The following MDM2 variants were observed in gnomAD, a reference collection of about 807,000 sequenced individuals.
MDM2 encodes E3 ubiquitin-protein ligase Mdm2.
Under a neutral mutation model 64.3 loss-of-function variants are expected in MDM2, and 11 were observed. The ratio of observed to expected loss-of-function variants is 0.17; its 90% CI spans 0.11 to 0.28. The LOEUF is 0.28. Ranked by LOEUF, MDM2 falls within the 10% of genes least tolerant of loss-of-function variation. The probability of loss-of-function intolerance (pLI) is 1.00; values close to 1 mark genes in which losing one functional copy is unlikely to be tolerated. For synonymous variants in MDM2, 194 were observed against 192.9 expected, an observed-to-expected ratio of 1.01 and a Z score of -0.05; for missense variants, 388 against 577.1, an observed-to-expected ratio of 0.67 and a Z score of 3.36.
Position 68,839,952 on chromosome 12 carries a change from A to T in MDM2, c.*103A>T, listed in dbSNP as rs1185918342. 3 of 1,002,606 alleles carry T rather than the reference A, an allele frequency of 3.0e-6. No homozygotes were observed. The African/African-American group carries it at 4.9e-5, about 16-fold the overall frequency. The allele number at this position is 1,002,606 out of a possible 1,614,324, so 62.1% of individuals were successfully genotyped here. On this transcript the variant is annotated 3_prime_UTR_variant, in exon 11 of 11. Transcript: ENST00000258149. The stretch of plus-strand genomic sequence containing the variant: ...TATATCAAAGTGAGAAAATGCCTCA[A>T]TTCACATAGATTTCTTCTCTTTAGT...
downstream of MDM2, chr12:68,847,210 A>ATATATATATATATATATG (rs1565756805): frequency 3.0e-5 from 4 of 135,130 alleles, no homozygotes; most frequent in African/African-American, 1.2e-4. Flanking sequence ...ATATATATAT[A>ATATATATATATATATATG]TACTTTTTTT....
downstream of MDM2, chr12:68,847,168 T>C (rs1884357133): frequency 9.7e-6 from 1 of 103,272 alleles, no homozygotes; most frequent in South Asian, 2.5e-4. Flanking sequence ...ATAATACATA[T>C]GTGTTTATGT....
chr12:68,809,832 CAATA>C (rs1266223873), intron 2 of MDM2, among the ~76,000 whole-genome samples: 12 of 152,262 alleles, frequency 7.9e-5, no homozygotes, highest in Admixed American at 2.0e-4. Flanking sequence ...GCATCCTTGT[CAATA>C]AATAAAGTCT....
rs1328536524 is a variant in MDM2 at position 68,843,447 on chromosome 12, A to G, written c.*3598A>G. Reference sequence around the variant, plus strand: ...GAAACAGTACATACACCATATTTACAATTATGTATTTAACATTTAAAATTT... The same window carrying G: ...GAAACAGTACATACACCATATTTACGATTATGTATTTAACATTTAAAATTT... On this transcript the variant is annotated 3_prime_UTR_variant, in exon 11 of 11. Coordinates refer to ENST00000258149, the MANE Select transcript of MDM2 (RefSeq NM_002392.6). 4.4e-6 allele frequency: 1 copy of G among 228,924 alleles called. No homozygotes were observed. Among genetic ancestry groups the G allele is most frequent in the Non-Finnish European group, 8.7e-6 (1 of 115,546 alleles). The allele number at this position is 228,924 out of a possible 1,614,324, so 14.2% of individuals were successfully genotyped here.
chr12:68,829,894 A>C (rs565052795), intron 8 of MDM2, among the ~76,000 whole-genome samples: 13 of 152,222 alleles, frequency 8.5e-5, no homozygotes, highest in Admixed American at 7.2e-4. Flanking sequence ...TCACTGAAAG[A>C]AGTTTGGTAA....
chr12:68,810,028 T>C (rs1265715077), intron 2 of MDM2, among the ~76,000 whole-genome samples: 1 of 152,194 alleles, frequency 6.6e-6, no homozygotes, highest in African/African-American at 2.4e-5. Flanking sequence ...TATAGAATTA[T>C]AGGCTGGCCT....
At chr12:68,813,653 G>A (rs775810116) in intron 3 of MDM2, 25 bp downstream of exon 3, 2 of 1,509,536 alleles carry the variant, frequency 1.3e-6, no homozygotes, top group South Asian at 2.3e-5. Context: ...GAGATAAGTA[G>A]TATCTCACTA....
intron 8 of MDM2, among the ~76,000 whole-genome samples, chr12:68,835,352 G>A (rs1883218249): frequency 6.6e-6 from 1 of 152,166 alleles, no homozygotes; most frequent in East Asian, 1.9e-4. Context: ...TAGTTAGAGG[G>A]GGAAAGTGTG....
chr12:68,835,750 G>A (rs2136168337), intron 8 of MDM2, 79 bp from the exon 9 acceptor site: 1 of 1,363,246 alleles, frequency 7.3e-7, no homozygotes, highest in Non-Finnish European at 1.0e-6. Flanking sequence ...AGCAGCAGAG[G>A]CACAGGGATG....
Position 68,836,719 on chromosome 12 carries a change from A to G in MDM2, c.888A>G (p.Ser296=). Residue 296 remains serine, a synonymous_variant, in exon 10 of 11, where the codon TCA becomes TCG. Coordinates refer to ENST00000258149, the MANE Select transcript of MDM2 (RefSeq NM_002392.6). ...AGGCAGGGGAGAGTGATACAGATTC[A>G]TTTGAAGAAGATCCTGAAATTTCCT... ...VYQAGESDTD[S]FEEDPEISLA... is the part of the protein sequence containing the mutation. 3 of 1,612,314 alleles carry G rather than the reference A, an allele frequency of 1.9e-6. No homozygotes were observed. Among genetic ancestry groups the G allele is most frequent in the Non-Finnish European group, 2.5e-6 (3 of 1,178,672 alleles).
chr12:68,843,687 G>A lies in MDM2; in HGVS notation c.*3838G>A. On this transcript the variant is annotated 3_prime_UTR_variant, in exon 11 of 11. Transcript: ENST00000258149. ...ACAGCAACTTTACTAATGGTACATT[G>A]TTGCTTCAAAACTCTCTCTCTCTCT... is the stretch of plus-strand genomic sequence containing the variant. 4.8e-6 allele frequency: 1 copy of A among 206,464 alleles called. No homozygotes were observed. Among genetic ancestry groups the A allele is most frequent in the East Asian group, 6.6e-5 (1 of 15,232 alleles). The allele number at this position is 206,464 out of a possible 1,614,324, so 12.8% of individuals were successfully genotyped here.
At chr12:68,817,131 T>C in intron 4 of MDM2, 186 bp downstream of exon 4, 1 of 568,008 alleles carries the variant, frequency 1.8e-6, no homozygotes, top group Non-Finnish European at 2.9e-6. Flanking sequence ...AAACCAGTGT[T>C]TGAAACCTAG....
rs1592606843 is a variant in MDM2 at position 68,842,654 on chromosome 12, C to CCAA, written c.*2805_*2806insCAA. 1 of 217,504 alleles carries CCAA rather than the reference C, an allele frequency of 4.6e-6. No homozygotes were observed. Among genetic ancestry groups the CCAA allele is most frequent in the East Asian group, 7.1e-5 (1 of 14,112 alleles). The allele number at this position is 217,504 out of a possible 1,614,324, so 13.5% of individuals were successfully genotyped here. A position where few individuals can be genotyped will look rare whatever the true frequency, so the allele number is the denominator to read the frequency against. ...CTATTTGGTTAATGGTACTAGACAACATGTAATTAATGACATTCAAAAATT... is the reference window on the plus strand; with the variant it reads ...CTATTTGGTTAATGGTACTAGACAACCAAATGTAATTAATGACATTCAAAAATT... On this transcript the variant is annotated 3_prime_UTR_variant, in exon 11 of 11. Coordinates refer to ENST00000258149, the MANE Select transcript of MDM2 (RefSeq NM_002392.6).
Position 68,845,429 on chromosome 12 carries a change from A to G in MDM2, c.*5580A>G, listed in dbSNP as rs1447339016. 9.6e-6 allele frequency: 2 copies of G among 208,658 alleles called. No individual in the cohort carries two copies. Among genetic ancestry groups the G allele is most frequent in the Non-Finnish European group, 1.9e-5 (2 of 102,564 alleles). 12.9% of individuals were successfully genotyped at this position (208,658 alleles called of 1,614,324 possible). ...AAAGGCAAAATAAAACCGTAAAGCA[A>G]GCAGATGGGAGGCGTGTTCAGTAAC... On this transcript the variant is annotated 3_prime_UTR_variant, in exon 11 of 11. Transcript: ENST00000258149.
chr12:68,828,700 A>G, intron 7 of MDM2, 71 bp from the exon 8 acceptor site: 3 of 1,352,132 alleles, frequency 2.2e-6, no homozygotes, highest in South Asian at 2.6e-5. Context: ...TTCTGTACAA[A>G]TAGGTACTCA....
At chr12:68,814,675 C>A in intron 3 of MDM2, 1 of 313,932 alleles carries the variant, frequency 3.2e-6, no homozygotes, top group South Asian at 2.6e-5. Context: ...GTATACTGAT[C>A]TTTCTGGGAT....
rs931458755 is a variant in MDM2, at chr12:68,842,108, C to T, written c.*2259C>T. On this transcript the variant is annotated 3_prime_UTR_variant, in exon 11 of 11. Transcript: ENST00000258149. ...AAAGCAACTGCTAATAATGAGCTTA[C>T]AGTGGATTTGAATTTGAAAAATATA... 25 of 425,370 alleles carry T rather than the reference C, an allele frequency of 5.9e-5. No individual in the cohort carries two copies. In the Admixed American group the frequency reaches 6.3e-4, roughly 11 times the overall value. The allele number at this position is 425,370 out of a possible 1,614,324, so 26.3% of individuals were successfully genotyped here. A position where few individuals can be genotyped will look rare whatever the true frequency, so the allele number is the denominator to read the frequency against.
At chr12:68,817,855 T>G (rs940719601) in intron 4 of MDM2, among the ~76,000 whole-genome samples, 2 of 152,146 alleles carry the variant, frequency 1.3e-5, no homozygotes, top group African/African-American at 4.8e-5. Context: ...TGGAGTGCAG[T>G]GGCATGATCT....
intron 8 of MDM2, among the ~76,000 whole-genome samples, chr12:68,833,405 T>C (rs1883058821): frequency 7.3e-6 from 1 of 136,834 alleles, no homozygotes. Context: ...TATATAAATA[T>C]AAATATATAT....
Sources: gnomAD v4.1 joint callset for allele counts (sites outside exome capture counted in the v4.1 genomes callset) on GRCh38, gnomAD v4.1.1 for gene constraint, MANE v1.5 for transcripts, NCBI Gene and HGNC (gene_info 2026-07-23, HGNC 2026-07-21) for gene names.